CPD: variants seen among roughly 807,000 people sequenced by gnomAD.
The protein encoded by CPD is metallocarboxypeptidase D.
In CPD, 69 loss-of-function variants were observed where a neutral mutation model predicts 138.3. That is an observed-to-expected ratio of 0.50 (90% CI 0.41 to 0.61). CPD has a LOEUF of 0.61. Ranked by LOEUF, CPD falls within the 20% of genes least tolerant of loss-of-function variation. The pLI, the probability that CPD is intolerant of heterozygous loss-of-function variation, is 0.00. For missense variants in CPD, 1,432 were observed against 1,733.3 expected (o/e 0.83, Z 3.09); for synonymous variants, 651 against 642.1 (o/e 1.01, Z -0.21).
chr17:30,419,442 C>T (rs564222398), intron 2 of CPD, among the ~76,000 whole-genome samples: 17 of 152,224 alleles, frequency 1.1e-4, no homozygotes, highest in African/African-American at 3.6e-4. Context: ...TGGGTTCAAG[C>T]GATTCTTCTG....
rs1452414828 is a variant in CPD, at chr17:30,465,318, TA to T, written c.*506del. ...AGCTGGAGTTTTTCTTATTCAGGTT[TA>T]ATGGAGGTTGAATTGATTTTTAAAC... On this transcript the variant is annotated 3_prime_UTR_variant, in exon 21 of 21. Transcript: ENST00000225719. The T allele has an allele frequency of 1.3e-5, 2 of 157,742 alleles. No individual in the cohort carries two copies. Among genetic ancestry groups the T allele is most frequent in the Admixed American group, 1.2e-4 (2 of 16,066 alleles). 9.8% of individuals were successfully genotyped at this position (157,742 alleles called of 1,614,324 possible).
intron 2 of CPD, among the ~76,000 whole-genome samples, chr17:30,386,575 C>A (rs943417225): frequency 6.6e-6 from 1 of 152,126 alleles, no homozygotes; most frequent in Non-Finnish European, 1.5e-5. Flanking sequence ...AACAGAAACT[C>A]GGTAGGCATT....
intron 20 of CPD, 150 bp from the exon 21 acceptor site, chr17:30,464,438 C>T: frequency 1.5e-6 from 1 of 663,158 alleles, no homozygotes; most frequent in Non-Finnish European, 2.5e-6. Context: ...TGTACATATA[C>T]TGCTTCTATA....
intron 2 of CPD, among the ~76,000 whole-genome samples, chr17:30,405,555 T>A (rs1911781677): frequency 6.6e-6 from 1 of 152,090 alleles, no homozygotes; most frequent in East Asian, 1.9e-4. Context: ...AGTTACTAAT[T>A]TTTTCCCCCA....
At chr17:30,460,051 C>G (rs903920177) in intron 17 of CPD, among the ~76,000 whole-genome samples, 2 of 152,146 alleles carry the variant, frequency 1.3e-5, no homozygotes, top group African/African-American at 2.4e-5. Context: ...TTGATTTGAT[C>G]TGGAAGAGAG....
chr17:30,449,634 A>G lies in CPD; in HGVS notation c.2955A>G (p.Pro985=). The change falls in exon 13 of 21, where the codon CCA becomes CCG. Residue 985 remains proline, a synonymous_variant. Transcript: ENST00000225719. ...NKPNVSEPEE[P]KIRFVAGIHG... ...CCAATGTATCTGAGCCTGAAGAACC[A>G]AAGATTCGTTTTGTTGCTGGTATCC... The G allele has an allele frequency of 6.2e-7, 1 of 1,610,970 alleles. No individual in the cohort carries two copies. The highest frequency in any genetic ancestry group is 2.2e-5 in the East Asian group (1 of 44,616).
chr17:30,448,551 A>G (rs1913085674), intron 12 of CPD, among the ~76,000 whole-genome samples: 1 of 152,216 alleles, frequency 6.6e-6, no homozygotes, highest in Non-Finnish European at 1.5e-5. Context: ...GAATAGCGTC[A>G]TGAGAAAGCA....
At chr17:30,418,767 A>G (rs1486938228) in intron 2 of CPD, among the ~76,000 whole-genome samples, 2 of 152,194 alleles carry the variant, frequency 1.3e-5, no homozygotes, top group African/African-American at 4.8e-5. Flanking sequence ...ACATGGATGA[A>G]CATGAATATA....
intron 1 of CPD, among the ~76,000 whole-genome samples, chr17:30,384,220 T>G (rs1911123275): frequency 1.3e-5 from 2 of 152,034 alleles, no homozygotes; most frequent in South Asian, 4.1e-4. Context: ...GGTTGTTTTC[T>G]TTGTTTGTTT....
At chr17:30,422,152 T>C (rs1022866690) in intron 4 of CPD, among the ~76,000 whole-genome samples, 1 of 152,214 alleles carries the variant, frequency 6.6e-6, no homozygotes, top group Non-Finnish European at 1.5e-5. Flanking sequence ...CATTGCTCTG[T>C]AAATGACATT....
In CPD at chr17:30,467,046, T is replaced by C. The variant is rs1385604310; in HGVS notation, c.*2232T>C. On this transcript the variant is annotated 3_prime_UTR_variant, in exon 21 of 21. Coordinates refer to ENST00000225719, the MANE Select transcript of CPD (RefSeq NM_001304.5). ...GTATAGGATACCTGACTACTAAGACTATATTCTCAGCCCTGCCCTGTCTTT... is the reference window on the plus strand; with the variant it reads ...GTATAGGATACCTGACTACTAAGACCATATTCTCAGCCCTGCCCTGTCTTT... 1 of 152,642 alleles carries C rather than the reference T, an allele frequency of 6.6e-6. No homozygotes were observed. The highest frequency in any genetic ancestry group is 1.5e-5 in the Non-Finnish European group (1 of 68,018). The allele number at this position is 152,642 out of a possible 1,614,324, so 9.5% of individuals were successfully genotyped here.
chr17:30,431,422 T>C (rs1912561033), intron 7 of CPD, among the ~76,000 whole-genome samples: 1 of 152,330 alleles, frequency 6.6e-6, no homozygotes, highest in Non-Finnish European at 1.5e-5. Flanking sequence ...CTCTTTCTTA[T>C]GTTCTTGATG....
intron 2 of CPD, among the ~76,000 whole-genome samples, chr17:30,401,636 A>C (rs1231190422): frequency 2.0e-5 from 3 of 152,012 alleles, no homozygotes; most frequent in African/African-American, 7.3e-5. Context: ...GGCACGTGTC[A>C]CAACACCTGG....
chr17:30,459,509 G>C (rs947810666), intron 17 of CPD, among the ~76,000 whole-genome samples: 3 of 152,054 alleles, frequency 2.0e-5, no homozygotes, highest in African/African-American at 7.2e-5. Flanking sequence ...TGCTGAGAAT[G>C]ATGGTTTCCA....
chr17:30,455,291 C>A, intron 14 of CPD, 48 bp from the exon 15 acceptor site: 1 of 1,495,424 alleles, frequency 6.7e-7, no homozygotes, highest in Non-Finnish European at 9.1e-7. Context: ...GATACTCATA[C>A]TAAGATTTAA....
intron 2 of CPD, among the ~76,000 whole-genome samples, chr17:30,409,949 A>T (rs1347511113): frequency 2.6e-5 from 4 of 152,100 alleles, no homozygotes; most frequent in African/African-American, 9.7e-5. Context: ...TTGTGATGTT[A>T]GGGTGTCAAT....
chr17:30,411,738 T>C (rs1911974041), intron 2 of CPD, among the ~76,000 whole-genome samples: 1 of 152,214 alleles, frequency 6.6e-6, no homozygotes, highest in African/African-American at 2.4e-5. Flanking sequence ...CTACACTGTT[T>C]ATTCTAGTTA....
chr17:30,452,015 CATT>C (rs1303919724), intron 14 of CPD, among the ~76,000 whole-genome samples, 169 bp downstream of exon 14: 2 of 152,084 alleles, frequency 1.3e-5, no homozygotes, highest in African/African-American at 4.8e-5. Context: ...AATTTTTCTC[CATT>C]ATTATTTGCA....
rs1913514057 is a variant in CPD, at chr17:30,462,419, C to T, written c.3866C>T (p.Thr1289Ile). The T allele has an allele frequency of 6.2e-7, 1 of 1,613,978 alleles. No individual in the cohort carries two copies. Among genetic ancestry groups the T allele is most frequent in the Non-Finnish European group, 8.5e-7 (1 of 1,179,912 alleles). The change falls in exon 20 of 21, where the codon ACA becomes ATA. Residue 1289 changes from threonine (T) to isoleucine (I), a missense_variant. Thr to Ile is a moderately conservative substitution (Grantham distance 89). This residue lies in a region of CPD where 366 missense variants were observed against 518.8 expected (regional missense o/e 0.71). Transcript: ENST00000225719. ...AASSVVIVFD[T>I]DNRIFGLPRE... is the part of the protein sequence containing the mutation. ...AGTTCTGTGGTGATAGTCTTTGACA[C>T]AGATAACCGGATATTTGGTTTGCCA...
Sources: allele counts gnomAD v4.1 joint callset (sites outside exome capture counted in the v4.1 genomes callset), GRCh38; gene constraint gnomAD v4.1.1; regional missense constraint gnomAD v4.1.1; transcripts MANE v1.5; gene names NCBI Gene and HGNC (gene_info 2026-07-23, HGNC 2026-07-21).